PAX8: variants seen among roughly 807,000 people sequenced by gnomAD.
PAX8 encodes paired box protein Pax-8.
In PAX8, 15 loss-of-function variants were observed where a neutral mutation model predicts 52.4. That is an observed-to-expected ratio of 0.29 (90% CI 0.19 to 0.44). PAX8 has a LOEUF of 0.44. Ranked by LOEUF, PAX8 falls within the 20% of genes least tolerant of loss-of-function variation. The pLI, the probability that PAX8 is intolerant of heterozygous loss-of-function variation, is 1.00. For missense variants in PAX8, 554 were observed against 602.5 expected (o/e 0.92, Z 0.84); for synonymous variants, 284 against 249.7 (o/e 1.14, Z -1.29).
intron 3 of PAX8, among the ~76,000 whole-genome samples, chr2:113,244,881 G>C (rs1051826044): frequency 1.3e-5 from 2 of 152,012 alleles, no homozygotes; most frequent in East Asian, 3.9e-4. Flanking sequence ...CTTCCCTCTG[G>C]CCAGTCTCTT....
At chr2:113,256,439 A>C (rs1692250972) in intron 2 of PAX8, among the ~76,000 whole-genome samples, 1 of 152,174 alleles carries the variant, frequency 6.6e-6, no homozygotes, top group Non-Finnish European at 1.5e-5. Flanking sequence ...AATCTGATTC[A>C]ACTACTGCTG....
At chr2:113,223,323 G>A (rs1205577813) in intron 10 of PAX8, among the ~76,000 whole-genome samples, 1 of 152,062 alleles carries the variant, frequency 6.6e-6, no homozygotes, top group Non-Finnish European at 1.5e-5. Context: ...AAGGTTTGCT[G>A]GCTTTGCAAC....
intron 10 of PAX8, chr2:113,225,815 A>C: frequency 1.6e-6 from 1 of 638,884 alleles, no homozygotes; most frequent in Non-Finnish European, 1.9e-6. Context: ...AGGGGTTGGA[A>C]GGGGAATGGG....
Position 113,242,115 on chromosome 2 carries a change from A to G in PAX8, c.494T>C (p.Val165Ala). Residue 165 changes from valine (V) to alanine (A), a missense_variant, in exon 6 of 12, where the codon GTA (valine) becomes GCA (alanine). By Grantham distance (64) the Val-to-Ala change is moderately conservative. This residue lies in a region of PAX8 where 445 missense variants were observed against 409.9 expected (regional missense o/e 1.09). Coordinates refer to ENST00000429538, the MANE Select transcript of PAX8 (RefSeq NM_003466.4). The stretch of plus-strand genomic sequence containing the variant: ...CGACTGGGGTGACTCCGGGGGAGTT[A>G]CAGCTGAGCTGGGGACTGCAGTGGG... ...PGHTLIPSSA[V>A]TPPESPQSDS... 4 of 1,613,370 alleles carry G rather than the reference A, an allele frequency of 2.5e-6. No individual in the cohort carries two copies. The highest frequency in any genetic ancestry group is 3.4e-6 in the Non-Finnish European group (4 of 1,179,588).
intron 2 of PAX8, among the ~76,000 whole-genome samples, chr2:113,260,579 G>T (rs1692592899): frequency 6.6e-6 from 1 of 152,114 alleles, no homozygotes; most frequent in Non-Finnish European, 1.5e-5. Context: ...TAGGGAGGAT[G>T]GGGAGAAGGG....
In PAX8 at chr2:113,236,869, C is replaced by T. The variant is rs756016941; in HGVS notation, c.778-148G>A. 120 of 910,154 alleles carry T rather than the reference C, an allele frequency of 1.3e-4. 1 individual carries two copies. The Middle Eastern group carries it at 1.6e-3, about 13-fold the overall frequency. 56.4% of individuals were successfully genotyped at this position (910,154 alleles called of 1,614,324 possible). ...CCTTCTTCCTTTACGTTCTCAACTC[C>T]ACTCGGCACGTTTCGTTCATGCTCA... On this transcript the variant is annotated intron_variant, in intron 7 of 11. Transcript: ENST00000429538.
chr2:113,227,030 C>G, intron 10 of PAX8, 125 bp downstream of exon 10: 1 of 1,533,774 alleles, frequency 6.5e-7, no homozygotes, highest in Non-Finnish European at 8.7e-7. Flanking sequence ...CCTCTTTGGT[C>G]CATCCTTCAA....
At chr2:113,247,257 G>A (rs1052198104) in intron 2 of PAX8, among the ~76,000 whole-genome samples, 7 of 152,162 alleles carry the variant, frequency 4.6e-5, no homozygotes, top group African/African-American at 1.4e-4. Context: ...TTGAGGATGT[G>A]GGGTCTTCCC....
At chr2:113,244,881 G>A (rs1051826044) in intron 3 of PAX8, among the ~76,000 whole-genome samples, 2 of 152,012 alleles carry the variant, frequency 1.3e-5, no homozygotes, top group Non-Finnish European at 2.9e-5. Context: ...CTTCCCTCTG[G>A]CCAGTCTCTT....
At chr2:113,265,001 T>G (rs1402352001) in intron 2 of PAX8, among the ~76,000 whole-genome samples, 3 of 152,208 alleles carry the variant, frequency 2.0e-5, no homozygotes, top group African/African-American at 7.2e-5. Flanking sequence ...ACATCAGCAG[T>G]TTGCCTGAAA....
chr2:113,224,028 T>G (rs547695484), intron 10 of PAX8, among the ~76,000 whole-genome samples: 1 of 151,846 alleles, frequency 6.6e-6, no homozygotes, highest in South Asian at 2.1e-4. Context: ...ATGTATAGAT[T>G]AATGGAGGAA....
chr2:113,247,661 T>G (rs1000732313), intron 2 of PAX8, among the ~76,000 whole-genome samples: 11 of 152,242 alleles, frequency 7.2e-5, no homozygotes, highest in Non-Finnish European at 4.4e-5. Flanking sequence ...ACACGTTCCC[T>G]TAGCTGCTTT....
intron 3 of PAX8, 32 bp from the exon 4 acceptor site, chr2:113,244,656 C>T: frequency 6.2e-7 from 1 of 1,600,394 alleles, no homozygotes; most frequent in South Asian, 1.1e-5. Flanking sequence ...AAGAATTACC[C>T]AATAAGCAGG....
intron 3 of PAX8, among the ~76,000 whole-genome samples, chr2:113,245,167 C>T (rs1194677761): frequency 3.3e-5 from 5 of 152,092 alleles, no homozygotes; most frequent in African/African-American, 1.2e-4. Flanking sequence ...CTGCCTCAGC[C>T]TCCCGAGTAG....
At chr2:113,226,827 C>T (rs2104431133) in intron 10 of PAX8, 1 of 1,270,810 alleles carries the variant, frequency 7.9e-7, no homozygotes, top group East Asian at 3.6e-5. Context: ...AGAGTGCTCT[C>T]CATTTATGCT....
At chr2:113,258,340 G>A (rs1486693301) in intron 2 of PAX8, among the ~76,000 whole-genome samples, 1 of 152,054 alleles carries the variant, frequency 6.6e-6, no homozygotes, top group African/African-American at 2.4e-5. Context: ...CTCTGGGTTT[G>A]CATCCCTGCC....
At chr2:113,242,641 G>A (rs755457102) in intron 5 of PAX8, 49 bp downstream of exon 5, 1 of 1,233,500 alleles carries the variant, frequency 8.1e-7, no homozygotes, top group Non-Finnish European at 1.2e-6. Flanking sequence ...TATGCTGAAG[G>A]GGAGGTGTAC....
intron 8 of PAX8, 86 bp downstream of exon 8, chr2:113,236,515 C>G: frequency 6.9e-7 from 1 of 1,458,868 alleles, no homozygotes. Context: ...CTCTCCAGGC[C>G]AGGGCCCCAC....
At chr2:113,242,930 C>T (rs971079759) in intron 4 of PAX8, 152 bp from the exon 5 acceptor site, 12 of 687,038 alleles carry the variant, frequency 1.7e-5, no homozygotes, top group South Asian at 1.2e-4. Context: ...GACCCTACTC[C>T]GCATGCCTAG....
Sources: allele counts gnomAD v4.1 joint callset (sites outside exome capture counted in the v4.1 genomes callset), GRCh38; gene constraint gnomAD v4.1.1; regional missense constraint gnomAD v4.1.1; transcripts MANE v1.5; gene names NCBI Gene and HGNC (gene_info 2026-07-23, HGNC 2026-07-21).